The following C12orf42 variants were observed in gnomAD, a reference collection of about 807,000 sequenced individuals.
The protein encoded by C12orf42 is chromosome 12 open reading frame 42.
In C12orf42, 25 loss-of-function variants were observed where a neutral mutation model predicts 21.6. That is an observed-to-expected ratio of 1.16 (90% confidence interval 0.84 to 1.62). C12orf42 has a LOEUF of 1.62. Ranked by LOEUF, C12orf42 falls within the 40% of genes most tolerant of loss-of-function variation. The pLI, the probability that C12orf42 is intolerant of heterozygous loss-of-function variation, is 0.00. For missense variants in C12orf42, 483 were observed against 459.3 expected (o/e 1.05, Z -0.47); for synonymous variants, 174 against 175.0 (o/e 0.99, Z 0.05).
At chr12:103,521,327 G>A in the C12orf42 span, among the ~76,000 whole-genome samples, 450 of 152,284 alleles carry the variant, frequency 3.0e-3, 11 homozygotes, top group Admixed American at 0.024. Context: ...GGATTAAGAG[G>A]TGCCATCGAA....
chr12:103,394,749 C>T (rs1267718645), intron 3 of C12orf42, among the ~76,000 whole-genome samples: 3 of 152,118 alleles, frequency 2.0e-5, no homozygotes, highest in African/African-American at 4.8e-5. Flanking sequence ...CAGATGGGGT[C>T]GCTTTCCATT....
intron 4 of C12orf42, among the ~76,000 whole-genome samples, chr12:103,325,944 GA>G (rs2040648146): frequency 2.0e-5 from 3 of 152,136 alleles, no homozygotes; most frequent in Admixed American, 2.0e-4. Context: ...ATGAATTGGA[GA>G]AAAATGAACA....
At chr12:103,222,536 C>T in the C12orf42 span, among the ~76,000 whole-genome samples, 11 of 152,224 alleles carry the variant, frequency 7.2e-5, no homozygotes, top group East Asian at 9.7e-4. Flanking sequence ...ACAGGGGATG[C>T]GATAGCTTGG....
chr12:103,505,591 C>T, the C12orf42 span: 2 of 325,998 alleles, frequency 6.1e-6, no homozygotes, highest in Non-Finnish European at 1.1e-5. Flanking sequence ...GGTGGTCTAG[C>T]CCATGTCTGA....
intron 3 of C12orf42, among the ~76,000 whole-genome samples, chr12:103,399,575 C>T (rs2047820659): frequency 6.6e-6 from 1 of 151,832 alleles, no homozygotes; most frequent in African/African-American, 2.4e-5. Context: ...CCTCCTCCTA[C>T]CCCAAGAGAC....
intron 10 of C12orf42, among the ~76,000 whole-genome samples, chr12:103,252,219 G>A (rs1005762146): frequency 6.6e-6 from 1 of 152,160 alleles, no homozygotes; most frequent in Non-Finnish European, 1.5e-5. Context: ...TAGGTTCCAA[G>A]TCCTTGATAT....
chr12:103,427,008 CA>C (rs1369043449), intron 2 of C12orf42, among the ~76,000 whole-genome samples: 1 of 152,036 alleles, frequency 6.6e-6, no homozygotes, highest in Non-Finnish European at 1.5e-5. Context: ...AAAAACATAC[CA>C]AACTGTAAAG....
chr12:103,165,155 A>T, the C12orf42 span, among the ~76,000 whole-genome samples: 1 of 152,220 alleles, frequency 6.6e-6, no homozygotes, highest in African/African-American at 2.4e-5. Flanking sequence ...GTCTGTTCCT[A>T]TTTATGCCAC....
the C12orf42 span, among the ~76,000 whole-genome samples, chr12:103,177,709 A>G: frequency 6.6e-6 from 1 of 152,216 alleles, no homozygotes; most frequent in African/African-American, 2.4e-5. Context: ...ATTTAATTGT[A>G]CAGGTTATTA....
chr12:103,244,207 G>T (rs547909097), intron 10 of C12orf42, among the ~76,000 whole-genome samples: 7 of 152,202 alleles, frequency 4.6e-5, no homozygotes, highest in African/African-American at 1.7e-4. Context: ...AACATGCACG[G>T]ATCCTAATCC....
At chr12:103,318,516 T>G (rs1230446330) in intron 4 of C12orf42, among the ~76,000 whole-genome samples, 1 of 152,194 alleles carries the variant, frequency 6.6e-6, no homozygotes, top group Non-Finnish European at 1.5e-5. Context: ...TGCTATTACC[T>G]GAATTGTTTT....
chr12:103,455,376 T>C (rs1449435267), intron 2 of C12orf42, among the ~76,000 whole-genome samples: 1 of 152,154 alleles, frequency 6.6e-6, no homozygotes, highest in East Asian at 1.9e-4. Flanking sequence ...AGAAGGGTGA[T>C]AAAAGCAGAA....
At chr12:103,137,988 T>C in the C12orf42 span, among the ~76,000 whole-genome samples, 2 of 152,100 alleles carry the variant, frequency 1.3e-5, no homozygotes, top group African/African-American at 2.4e-5. Flanking sequence ...AACAACAATG[T>C]ATTGTATATT....
chr12:103,085,320 C>A, the C12orf42 span, among the ~76,000 whole-genome samples: 1 of 152,086 alleles, frequency 6.6e-6, no homozygotes, highest in African/African-American at 2.4e-5. Flanking sequence ...TGAAGCCTAT[C>A]TGTCTTTCAT....
intron 2 of C12orf42, among the ~76,000 whole-genome samples, chr12:103,468,571 T>C (rs1027690913): frequency 1.3e-5 from 2 of 152,224 alleles, no homozygotes; most frequent in Non-Finnish European, 2.9e-5. Flanking sequence ...AGATATCTTT[T>C]ACTCTGGACT....
the C12orf42 span, among the ~76,000 whole-genome samples, chr12:103,231,727 G>C: frequency 3.9e-5 from 6 of 152,240 alleles, no homozygotes; most frequent in African/African-American, 1.4e-4. Context: ...AAATAACTTG[G>C]ATTCTTCCAA....
chr12:103,055,693 A>C, the C12orf42 span, among the ~76,000 whole-genome samples: 38 of 152,080 alleles, frequency 2.5e-4, no homozygotes, highest in African/African-American at 8.4e-4. Flanking sequence ...AGTACCATTG[A>C]TGTCCTATTT....
the C12orf42 span, among the ~76,000 whole-genome samples, chr12:103,082,491 T>A: frequency 1.3e-5 from 2 of 152,256 alleles, no homozygotes; most frequent in South Asian, 4.1e-4. Flanking sequence ...TTTAATTGAT[T>A]CATATGCTCC....
At chr12:103,404,214 T>C (rs1458476180) in intron 2 of C12orf42, among the ~76,000 whole-genome samples, 2 of 152,202 alleles carry the variant, frequency 1.3e-5, no homozygotes, top group South Asian at 2.1e-4. Context: ...GAAAGAACAA[T>C]TAAGGAATGG....
Sources: gnomAD v4.1 joint callset for allele counts (sites outside exome capture counted in the v4.1 genomes callset) on GRCh38, gnomAD v4.1.1 for gene constraint, MANE v1.5 for transcripts, NCBI Gene and HGNC (gene_info 2026-07-23, HGNC 2026-07-21) for gene names.